CA12: variants seen among roughly 807,000 people sequenced by gnomAD.
CA12 encodes carbonic anhydrase 12, also known as carbonate dehydratase XII.
CA12 carries 36 observed loss-of-function variants against 46.8 expected under a neutral mutation model. The observed-to-expected ratio is 0.77, with a 90% CI of 0.59 to 1.02. The LOEUF is 1.02. Among genes scored for constraint, CA12 ranks in the 50% least tolerant of loss-of-function variants. CA12 has a pLI of 0.00. For synonymous variants in CA12, 202 were observed against 187.0 expected, an observed-to-expected ratio of 1.08 and a Z score of -0.65; for missense variants, 436 against 451.4, an observed-to-expected ratio of 0.97 and a Z score of 0.31.
chr15:63,381,591 C>A (rs777730361), intron 1 of CA12, 45 bp downstream of exon 1: 1 of 1,532,356 alleles, frequency 6.5e-7, no homozygotes, highest in Admixed American at 1.8e-5. Flanking sequence ...CCAGGGGCGG[C>A]TGAGCGCTCA....
rs1418645343 is a variant in CA12, at chr15:63,339,757, G to A, written c.747+531C>T. On this transcript the variant is annotated intron_variant, in intron 7 of 10. Transcript: ENST00000178638. This position sits in a 1 kb window ranked among gnomAD's most constrained non-coding sequence, Gnocchi z 4.3. ...TGGAACTCAGATGACCTAACTTTGG[G>A]TCTCAGCTTTGTCACTAACCCGCGG... 2.6e-5 allele frequency among the ~76,000 whole-genome samples: 4 copies of A among 152,218 alleles called. No homozygotes were observed. Among genetic ancestry groups the A allele is most frequent in the Admixed American group, 2.0e-4 (3 of 15,290 alleles).
chr15:63,344,723 G>A (rs1331788788), intron 4 of CA12, among the ~76,000 whole-genome samples: 2 of 152,144 alleles, frequency 1.3e-5, no homozygotes, highest in South Asian at 4.1e-4. Flanking sequence ...GTATTTCCCT[G>A]TAAATATTCA....
At position 63,339,525 on chromosome 15, in the gene CA12, T is replaced by C. The variant is rs1002157390; in HGVS notation, c.748-580A>G. The stretch of plus-strand genomic sequence containing the variant: ...CATCTCTTGGTTCATCATGTCCTCA[T>C]TCCTGTCCACCCACCTGCTGCCATT... On this transcript the variant is annotated intron_variant, in intron 7 of 10. Transcript: ENST00000178638. The surrounding 1 kb of genome is among the most constrained non-coding windows in gnomAD (Gnocchi z 4.3). 1.4e-4 allele frequency among the ~76,000 whole-genome samples: 21 copies of C among 152,212 alleles called. No homozygotes were observed. The highest frequency in any genetic ancestry group is 5.1e-4 in the African/African-American group (21 of 41,452).
At chr15:63,365,055 C>T (rs902291630) in intron 2 of CA12, among the ~76,000 whole-genome samples, 1 of 152,224 alleles carries the variant, frequency 6.6e-6, no homozygotes, top group Non-Finnish European at 1.5e-5. Context: ...TCAAGTGATC[C>T]TCCCACCTCA....
rs1363743386 is a variant in CA12 at position 63,381,778 on chromosome 15, C to T, written c.-58G>A. On this transcript the variant is annotated 5_prime_UTR_variant, in exon 1 of 11. Coordinates refer to ENST00000178638, the MANE Select transcript of CA12 (RefSeq NM_001218.5). ...GTGCCGGGGGCTCCCGGTGGCCGCT[C>T]GCTCTCCAGCTGCACACCGGGACCG... is the stretch of plus-strand genomic sequence containing the variant. 3 of 1,230,974 alleles carry T rather than the reference C, an allele frequency of 2.4e-6. No homozygotes were observed. The highest frequency in any genetic ancestry group is 3.3e-6 in the Non-Finnish European group (3 of 911,144). The allele number at this position is 1,230,974 out of a possible 1,614,324, so 76.3% of individuals were successfully genotyped here.
intron 8 of CA12, among the ~76,000 whole-genome samples, chr15:63,337,855 G>A (rs1179715340): frequency 2.0e-5 from 3 of 152,194 alleles, no homozygotes; most frequent in East Asian, 1.9e-4. Flanking sequence ...GGGATTGCAG[G>A]TGAGAACGGG....
rs2039543958 is a variant in CA12 at position 63,374,294 on chromosome 15, A to G, written c.106+1364T>C. ...CTTCTGCTCAACATCACCTTAGCCA[A>G]CAGCACCCACTCCCCACTCACCGAA... On this transcript the variant is annotated intron_variant, in intron 2 of 10. Coordinates refer to ENST00000178638, the MANE Select transcript of CA12 (RefSeq NM_001218.5). The surrounding 1 kb of genome is among the most constrained non-coding windows in gnomAD (Gnocchi z 4.4). Among the ~76,000 whole-genome samples the G allele has an allele frequency of 6.6e-6, 1 of 151,938 alleles. No homozygotes were observed. Among genetic ancestry groups the G allele is most frequent in the Non-Finnish European group, 1.5e-5 (1 of 67,982 alleles).
rs1019112513 is a variant in CA12, at chr15:63,340,534, T to G, written c.590-89A>C. 8.4e-6 allele frequency: 13 copies of G among 1,554,886 alleles called. No individual in the cohort carries two copies. The highest frequency in any genetic ancestry group is 3.4e-4 in the Middle Eastern group (2 of 5,956). On this transcript the variant is annotated intron_variant, in intron 6 of 10. Coordinates refer to ENST00000178638, the MANE Select transcript of CA12 (RefSeq NM_001218.5). The surrounding 1 kb of genome is among the most constrained non-coding windows in gnomAD (Gnocchi z 4.4). ...AACAGAGCGACTGAGCCTAGAAACA[T>G]GAACTAGCCCCTTTCAGGGTCATCT...
At position 63,381,674 on chromosome 15, in the gene CA12, A is replaced by C; in HGVS notation, c.47T>G (p.Ile16Ser). The change falls in exon 1 of 11, where the codon ATC becomes AGC. Residue 16 changes from isoleucine (I) to serine (S), a missense_variant. Coordinates refer to ENST00000178638, the MANE Select transcript of CA12 (RefSeq NM_001218.5). ...CGGGCTGGAAGGCTGTTCCTTTAAG[A>C]TCACCAGCAGGAGCACGGCCGCCGC... ...LHAAAVLLLV[I>S]LKEQPSSPAP... 6.2e-7 allele frequency: 1 copy of C among 1,611,404 alleles called. No individual in the cohort carries two copies. Among genetic ancestry groups the C allele is most frequent in the Non-Finnish European group, 8.5e-7 (1 of 1,178,900 alleles).
rs900259068 is a variant in CA12, at chr15:63,325,931, C to T, written c.*354G>A. On this transcript the variant is annotated 3_prime_UTR_variant, in exon 11 of 11. Coordinates refer to ENST00000178638, the MANE Select transcript of CA12 (RefSeq NM_001218.5). The surrounding 1 kb of genome is among the most constrained non-coding windows in gnomAD (Gnocchi z 4.9). ...GCAGAATTTCCAGGACACTTGAAAG[C>T]ACGCTCTGGCAAAGCCCCGGATGAA... 1 of 299,098 alleles carries T rather than the reference C, an allele frequency of 3.3e-6. No homozygotes were observed. The highest frequency in any genetic ancestry group is 6.5e-6 in the Non-Finnish European group (1 of 152,692). The allele number at this position is 299,098 out of a possible 1,614,324, so 18.5% of individuals were successfully genotyped here. A position where few individuals can be genotyped will look rare whatever the true frequency, so the allele number is the denominator to read the frequency against.
chr15:63,347,438 C>T (rs572732326), intron 2 of CA12, among the ~76,000 whole-genome samples: 1 of 152,276 alleles, frequency 6.6e-6, no homozygotes, highest in African/African-American at 2.4e-5. Context: ...GGCCTGGAAT[C>T]ACAGAGTGAA....
At chr15:63,338,612 C>A (rs1484832581) in intron 8 of CA12, among the ~76,000 whole-genome samples, 1 of 152,188 alleles carries the variant, frequency 6.6e-6, no homozygotes, top group African/African-American at 2.4e-5. Context: ...GGGGCCTCGG[C>A]TTTTTGCTTC....
At chr15:63,347,345 G>A (rs2039164184) in intron 2 of CA12, among the ~76,000 whole-genome samples, 1 of 152,170 alleles carries the variant, frequency 6.6e-6, no homozygotes, top group Admixed American at 6.5e-5. Context: ...AACCCCTGAG[G>A]ACATTGACTC....
intron 2 of CA12, among the ~76,000 whole-genome samples, chr15:63,367,141 A>G (rs1483253233): frequency 2.6e-5 from 4 of 152,050 alleles, no homozygotes; most frequent in Non-Finnish European, 5.9e-5. Flanking sequence ...GGCTGGTCTC[A>G]AACTCCTGAC....
At chr15:63,343,625 C>G (rs2039110032) in intron 4 of CA12, among the ~76,000 whole-genome samples, 1 of 152,154 alleles carries the variant, frequency 6.6e-6, no homozygotes, top group Non-Finnish European at 1.5e-5. Flanking sequence ...CACTACACTT[C>G]CAAGGTCCTT....
intron 8 of CA12, among the ~76,000 whole-genome samples, chr15:63,334,793 A>G (rs1348571452): frequency 6.6e-6 from 1 of 152,226 alleles, no homozygotes; most frequent in Non-Finnish European, 1.5e-5. Context: ...GTTCTCTCTC[A>G]CGCTACGTCT....
At chr15:63,363,098 G>A (rs776724704) in intron 2 of CA12, among the ~76,000 whole-genome samples, 3 of 152,210 alleles carry the variant, frequency 2.0e-5, no homozygotes, top group South Asian at 2.1e-4. Flanking sequence ...TCTTACGCAC[G>A]CTGGGTCCCA....
rs544725518 is a variant in CA12, at chr15:63,328,270, T to C, written c.875-140A>G. ...GGGATGTCCACCCTTGGCTCAGGGA[T>C]TGCCTGATGAAGTACAGGAAATTGC... On this transcript the variant is annotated intron_variant, in intron 8 of 10. Transcript: ENST00000178638. This position sits in a 1 kb window ranked among gnomAD's most constrained non-coding sequence, Gnocchi z 5.9. 1.3e-5 allele frequency: 10 copies of C among 768,710 alleles called. No homozygotes were observed. The highest frequency in any genetic ancestry group is 1.0e-4 in the East Asian group (4 of 38,446). The allele number at this position is 768,710 out of a possible 1,614,324, so 47.6% of individuals were successfully genotyped here. A position where few individuals can be genotyped will look rare whatever the true frequency, so the allele number is the denominator to read the frequency against.
chr15:63,379,433 G>A (rs1456882666), intron 1 of CA12, among the ~76,000 whole-genome samples: 2 of 152,164 alleles, frequency 1.3e-5, no homozygotes, highest in African/African-American at 4.8e-5. Context: ...TGCACCCCCT[G>A]GTTCCCCACT....
Sources: gnomAD v4.1 joint callset for allele counts (sites outside exome capture counted in the v4.1 genomes callset) on GRCh38, gnomAD v4.1.1 for gene constraint, Gnocchi (gnomAD v3.1) non-coding constraint, MANE v1.5 for transcripts, NCBI Gene and HGNC (gene_info 2026-07-23, HGNC 2026-07-21) for gene names.